Variants in NSD3 observed in about 807,000 individuals in gnomAD.
NSD3 encodes nuclear receptor binding SET domain protein 3, also known as histone-lysine N-methyltransferase NSD3.
In NSD3, 24 loss-of-function variants were observed where a neutral mutation model predicts 160.8. The ratio of observed to expected loss-of-function variants is 0.15; its 90% CI spans 0.11 to 0.21. The LOEUF is 0.21. NSD3 is among the 10% of genes least tolerant of loss of function. The probability of loss-of-function intolerance (pLI) is 1.00; values close to 1 mark genes in which losing one functional copy is unlikely to be tolerated. For missense variants in NSD3, 1,157 were observed against 1,735.9 expected (o/e 0.67, Z 5.93); for synonymous variants, 520 against 600.0 (o/e 0.87, Z 1.95).
At position 38,348,235 on chromosome 8, in the gene NSD3, G is replaced by C. The variant is rs1298007404; in HGVS notation, c.-44-20C>G. ...TCGGGCCTAAAATTATAAAAGAGGGGATTAGAAGGTGTTACTATTCTCATA... is the reference window on the plus strand; with the variant it reads ...TCGGGCCTAAAATTATAAAAGAGGGCATTAGAAGGTGTTACTATTCTCATA... On this transcript the variant is annotated intron_variant, in intron 1 of 23. Coordinates refer to ENST00000317025, the MANE Select transcript of NSD3 (RefSeq NM_023034.2). 5 of 1,496,580 alleles carry C rather than the reference G, an allele frequency of 3.3e-6. No homozygotes were observed. Among genetic ancestry groups the C allele is most frequent in the Non-Finnish European group, 4.4e-6 (5 of 1,123,606 alleles). 92.7% of individuals were successfully genotyped at this position (1,496,580 alleles called of 1,614,324 possible).
At chr8:38,309,154 A>C (rs1027995649) in intron 12 of NSD3, among the ~76,000 whole-genome samples, 12 of 151,750 alleles carry the variant, frequency 7.9e-5, no homozygotes, top group East Asian at 1.9e-4. Flanking sequence ...ACTAAAAAAA[A>C]AAAACAAAAC....
In NSD3 at chr8:38,273,601, TA is replaced by T. The variant is rs1808534989; in HGVS notation, c.*2039del. The T allele has an allele frequency of 6.6e-6, 1 of 152,216 alleles. No individual in the cohort carries two copies. The highest frequency in any genetic ancestry group is 6.5e-5 in the Admixed American group (1 of 15,284). The allele number at this position is 152,216 out of a possible 1,614,324, so 9.4% of individuals were successfully genotyped here. ...AAGGAAATCCTTATGTTAGTAAGTT[TA>T]AAAAACCAAACATCATATACAAAAT... On this transcript the variant is annotated 3_prime_UTR_variant, in exon 24 of 24. Transcript: ENST00000317025.
At chr8:38,342,176 A>G (rs898716215) in intron 2 of NSD3, among the ~76,000 whole-genome samples, 6 of 152,194 alleles carry the variant, frequency 3.9e-5, no homozygotes, top group African/African-American at 1.4e-4. Flanking sequence ...TCAAGACTAT[A>G]TAAGTAAGAG....
At chr8:38,370,674 GGGTTTAAACT>G (rs965822586) in intron 1 of NSD3, among the ~76,000 whole-genome samples, 4 of 151,902 alleles carry the variant, frequency 2.6e-5, no homozygotes, top group Non-Finnish European at 5.9e-5. Flanking sequence ...TAATATTGCT[GGGTTTAAACT>G]GGTTCAAACC....
At position 38,270,137 on chromosome 8, in the gene NSD3, C is replaced by T. The variant is rs1335777521; in HGVS notation, c.*5504G>A. 2 of 152,146 alleles carry T rather than the reference C, an allele frequency of 1.3e-5. No individual in the cohort carries two copies. Among genetic ancestry groups the T allele is most frequent in the African/African-American group, 4.8e-5 (2 of 41,402 alleles). The allele number at this position is 152,146 out of a possible 1,614,324, so 9.4% of individuals were successfully genotyped here. A position where few individuals can be genotyped will look rare whatever the true frequency, so the allele number is the denominator to read the frequency against. The stretch of plus-strand genomic sequence containing the variant: ...CCCCAGGGAAAATTAACACTAATCC[C>T]TTAGTGTCAAGAGCTTCTAGCCAAG... On this transcript the variant is annotated 3_prime_UTR_variant, in exon 24 of 24. Coordinates refer to ENST00000317025, the MANE Select transcript of NSD3 (RefSeq NM_023034.2).
chr8:38,270,694 G>C lies in NSD3; in HGVS notation c.*4947C>G, dbSNP rs1382673825. On this transcript the variant is annotated 3_prime_UTR_variant, in exon 24 of 24. Coordinates refer to ENST00000317025, the MANE Select transcript of NSD3 (RefSeq NM_023034.2). ...GCAGGCAGGGAGGGGAGCAGTAAAA[G>C]CTGAGGGTGCTTTCTCACTAACTAG... 3 of 152,272 alleles carry C rather than the reference G, an allele frequency of 2.0e-5. No individual in the cohort carries two copies. Among genetic ancestry groups the C allele is most frequent in the African/African-American group, 7.2e-5 (3 of 41,466 alleles). 9.4% of individuals were successfully genotyped at this position (152,272 alleles called of 1,614,324 possible).
At chr8:38,342,289 AGAGAC>A (rs1225039998) in intron 2 of NSD3, among the ~76,000 whole-genome samples, 13 of 152,212 alleles carry the variant, frequency 8.5e-5, no homozygotes, top group African/African-American at 3.1e-4. Context: ...ATTCAGAGAC[AGAGAC>A]AAGTTTAAGA....
rs953882566 is a variant in NSD3, at chr8:38,293,689, G to A, written c.2915+2107C>T. ...TGTAATCCCAGCACTTTGGGAGGCC[G>A]AGGCGGGCGGATCAGCTGAGGTCAG... On this transcript the variant is annotated intron_variant, in intron 16 of 23. Transcript: ENST00000317025. Among the ~76,000 whole-genome samples, 44 of 151,604 alleles carry A rather than the reference G, an allele frequency of 2.9e-4. 1 individual carries two copies. Among genetic ancestry groups the A allele is most frequent in the African/African-American group, 9.4e-4 (39 of 41,282 alleles).
chr8:38,316,934 G>T lies in NSD3; in HGVS notation c.1856-892C>A. On this transcript the variant is annotated intron_variant, in intron 9 of 23. Transcript: ENST00000317025. This position sits in a 1 kb window ranked among gnomAD's most constrained non-coding sequence, Gnocchi z 4.5. Reference sequence around the variant, plus strand: ...AGAAACAGCCACGATGAAATGTGCAGATCAGGCACGGTGAATACCAAGGAA... The same window carrying T: ...AGAAACAGCCACGATGAAATGTGCATATCAGGCACGGTGAATACCAAGGAA... The T allele has an allele frequency of 1.9e-6, 2 of 1,062,066 alleles. No homozygotes were observed. The highest frequency in any genetic ancestry group is 2.3e-6 in the Non-Finnish European group (2 of 877,086). 65.8% of individuals were successfully genotyped at this position (1,062,066 alleles called of 1,614,324 possible). A position where few individuals can be genotyped will look rare whatever the true frequency, so the allele number is the denominator to read the frequency against.
intron 12 of NSD3, among the ~76,000 whole-genome samples, chr8:38,309,289 A>G (rs569513136): frequency 1.3e-5 from 2 of 152,212 alleles, no homozygotes; most frequent in African/African-American, 4.8e-5. Flanking sequence ...CCAACATGGC[A>G]AAACCCTGGC....
At chr8:38,362,416 C>T (rs995295312) in intron 1 of NSD3, among the ~76,000 whole-genome samples, 2 of 151,904 alleles carry the variant, frequency 1.3e-5, no homozygotes, top group African/African-American at 4.8e-5. Context: ...TAAGAAAGAC[C>T]TCATAAATGT....
At chr8:38,305,098 C>T in intron 13 of NSD3, 150 bp downstream of exon 13, 2 of 771,314 alleles carry the variant, frequency 2.6e-6, no homozygotes, top group South Asian at 3.8e-5. Flanking sequence ...CTCTACTTAA[C>T]ATGTACTGTG....
intron 20 of NSD3, among the ~76,000 whole-genome samples, chr8:38,280,764 T>A (rs1808714712): frequency 6.6e-6 from 1 of 151,946 alleles, no homozygotes; most frequent in East Asian, 1.9e-4. Context: ...TCTTTTTTTT[T>A]TTTTTTGAGA....
At chr8:38,376,597 G>T (rs994852334) in intron 1 of NSD3, among the ~76,000 whole-genome samples, 5 of 151,990 alleles carry the variant, frequency 3.3e-5, no homozygotes, top group Admixed American at 3.3e-4. Context: ...CACCGGGCCC[G>T]GCTAATTTTT....
At chr8:38,344,094 T>G (rs150618631) in intron 2 of NSD3, among the ~76,000 whole-genome samples, 54 of 152,312 alleles carry the variant, frequency 3.5e-4, no homozygotes, top group African/African-American at 1.3e-3. Flanking sequence ...AGTAGTGATC[T>G]CAGGTCTCCT....
At chr8:38,326,442 T>C (rs911366922) in intron 7 of NSD3, among the ~76,000 whole-genome samples, 1 of 152,210 alleles carries the variant, frequency 6.6e-6, no homozygotes, top group African/African-American at 2.4e-5. Context: ...CAAAGAGAGA[T>C]AGTCGATGGT....
chr8:38,351,957 C>T (rs1585915380), intron 1 of NSD3, among the ~76,000 whole-genome samples: 2 of 151,308 alleles, frequency 1.3e-5, no homozygotes, highest in East Asian at 2.0e-4. Context: ...ACCAACATGG[C>T]ACATGTATAC....
rs566545075 is a variant in NSD3 at position 38,360,389 on chromosome 8, C to T, written c.-44-12174G>A. The stretch of plus-strand genomic sequence containing the variant: ...AGCACTTAACACATTTTTAGTTCTC[C>T]TATAGCTTTTTTAATGAAAACTTGA... On this transcript the variant is annotated intron_variant, in intron 1 of 23. Transcript: ENST00000317025. 1.2e-4 allele frequency among the ~76,000 whole-genome samples: 18 copies of T among 152,160 alleles called. No individual in the cohort carries two copies. In the South Asian group the frequency reaches 2.5e-3, roughly 21 times the overall value.
intron 12 of NSD3, among the ~76,000 whole-genome samples, chr8:38,312,079 TTATCAA>T (rs1809548151): frequency 6.6e-6 from 1 of 152,198 alleles, no homozygotes; most frequent in African/African-American, 2.4e-5. Context: ...CTTCACACCC[TTATCAA>T]AAATCATTTG....
Sources: allele counts gnomAD v4.1 joint callset (sites outside exome capture counted in the v4.1 genomes callset), GRCh38; gene constraint gnomAD v4.1.1; non-coding constraint Gnocchi (gnomAD v3.1); transcripts MANE v1.5; gene names NCBI Gene and HGNC (gene_info 2026-07-23, HGNC 2026-07-21).